The following GALNT13 variants were observed in gnomAD, a reference collection of about 807,000 sequenced individuals.
GALNT13 encodes the protein polypeptide N-acetylgalactosaminyltransferase 13.
Under a neutral mutation model 64.2 loss-of-function variants are expected in GALNT13, and 28 were observed. The ratio of observed to expected loss-of-function variants is 0.44; its 90% CI spans 0.32 to 0.60. The LOEUF (loss-of-function observed/expected upper bound fraction) is 0.60. Ranked by LOEUF, GALNT13 falls within the 20% of genes least tolerant of loss-of-function variation. The pLI is 0.05. For synonymous variants in GALNT13, 214 were observed against 224.6 expected, an observed-to-expected ratio of 0.95 and a Z score of 0.42; for missense variants, 577 against 669.8, an observed-to-expected ratio of 0.86 and a Z score of 1.53.
the GALNT13 span, among the ~76,000 whole-genome samples, chr2:153,859,968 A>C: frequency 1.3e-5 from 2 of 152,166 alleles, no homozygotes; most frequent in South Asian, 4.1e-4. Flanking sequence ...TCCTCTTTTC[A>C]TTGGTACTAA....
At chr2:153,264,373 G>A in the GALNT13 span, among the ~76,000 whole-genome samples, 6 of 152,214 alleles carry the variant, frequency 3.9e-5, no homozygotes, top group Non-Finnish European at 8.8e-5. Flanking sequence ...GTAGAAGACA[G>A]TGTGGCAATT....
intron 3 of GALNT13, among the ~76,000 whole-genome samples, chr2:154,023,114 A>C (rs1243719804): frequency 3.9e-5 from 6 of 152,214 alleles, no homozygotes; most frequent in African/African-American, 1.4e-4. Flanking sequence ...ACTTCCAACT[A>C]TGTGGCCAGT....
chr2:153,733,871 C>T, the GALNT13 span, among the ~76,000 whole-genome samples: 151 of 152,278 alleles, frequency 9.9e-4, no homozygotes, highest in Non-Finnish European at 1.2e-3. Context: ...AGCAGACCGT[C>T]CTTTTAAAAC....
chr2:153,387,264 A>G, the GALNT13 span, among the ~76,000 whole-genome samples: 1 of 152,124 alleles, frequency 6.6e-6, no homozygotes, highest in African/African-American at 2.4e-5. Flanking sequence ...ATACAATGTT[A>G]TGCTTGTTCC....
chr2:153,550,100 T>G, the GALNT13 span, among the ~76,000 whole-genome samples: 3 of 152,222 alleles, frequency 2.0e-5, no homozygotes, highest in Non-Finnish European at 1.5e-5. Flanking sequence ...CCCTGTTTCC[T>G]AGAATACCAT....
intron 3 of GALNT13, among the ~76,000 whole-genome samples, chr2:154,139,402 T>G (rs958753050): frequency 6.6e-6 from 1 of 152,058 alleles, no homozygotes; most frequent in African/African-American, 2.4e-5. Context: ...CCTTTTAATT[T>G]ATATGGAAAT....
the GALNT13 span, among the ~76,000 whole-genome samples, chr2:153,474,919 A>G: frequency 6.7e-3 from 1,014 of 152,268 alleles, 13 homozygotes; most frequent in African/African-American, 0.023. Context: ...TGGTCTCTTA[A>G]GGCTGACATT....
At chr2:154,277,336 G>T (rs987227798) in intron 8 of GALNT13, among the ~76,000 whole-genome samples, 1 of 151,968 alleles carries the variant, frequency 6.6e-6, no homozygotes, top group Non-Finnish European at 1.5e-5. Flanking sequence ...AACCTCGCTC[G>T]TCAAAATTAA....
chr2:153,338,498 A>G, the GALNT13 span, among the ~76,000 whole-genome samples: 23,235 of 152,128 alleles, frequency 0.15, 1,849 homozygotes, highest in Non-Finnish European at 0.17. Context: ...ATTTTAATTG[A>G]CAATTAGAAA....
At chr2:153,213,429 A>C in the GALNT13 span, among the ~76,000 whole-genome samples, 1 of 152,208 alleles carries the variant, frequency 6.6e-6, no homozygotes, top group Non-Finnish European at 1.5e-5. Context: ...CTGCCTCGGA[A>C]GGGGAGACAC....
rs1559075384 is a variant in GALNT13, at chr2:154,298,549, AAT to A, written c.976-2859_976-2858del. ...ATAAAATTGTATATATTTATATATA[AAT>A]TGTATATATAATTTATATATAAATT... On this transcript the variant is annotated intron_variant, in intron 8 of 12. Coordinates refer to ENST00000392825, the MANE Select transcript of GALNT13 (RefSeq NM_052917.4). Among the ~76,000 whole-genome samples the A allele has an allele frequency of 5.0e-5, 3 of 60,300 alleles. No homozygotes were observed. The East Asian group carries it at 2.2e-3, about 45-fold the overall frequency. The allele number at this position is 60,300 out of a possible 152,430, so 39.6% of individuals were successfully genotyped here.
At chr2:154,122,470 T>G (rs532746165) in intron 3 of GALNT13, among the ~76,000 whole-genome samples, 10 of 152,138 alleles carry the variant, frequency 6.6e-5, no homozygotes, top group African/African-American at 2.4e-4. Context: ...TTCCTCTGCT[T>G]CTTCTTTCTG....
intron 9 of GALNT13, among the ~76,000 whole-genome samples, chr2:154,361,488 G>A (rs1697064843): frequency 6.6e-6 from 1 of 152,050 alleles, no homozygotes; most frequent in African/African-American, 2.4e-5. Flanking sequence ...GTCCTGGATT[G>A]AAATCCTAGC....
intron 3 of GALNT13, among the ~76,000 whole-genome samples, chr2:154,081,511 G>T (rs916287342): frequency 6.6e-6 from 1 of 151,770 alleles, no homozygotes; most frequent in Non-Finnish European, 1.5e-5. Flanking sequence ...GGGAGTGACA[G>T]TAGAAAACTG....
chr2:154,127,316 T>A (rs970272322), intron 3 of GALNT13, among the ~76,000 whole-genome samples: 1 of 152,136 alleles, frequency 6.6e-6, no homozygotes, highest in Non-Finnish European at 1.5e-5. Flanking sequence ...CTTAACTGAT[T>A]TCTAGACGTT....
At chr2:153,562,013 C>T in the GALNT13 span, among the ~76,000 whole-genome samples, 1 of 148,086 alleles carries the variant, frequency 6.8e-6, no homozygotes, top group African/African-American at 2.5e-5. Context: ...TTTTCTTTAC[C>T]ATTCTCCCTC....
At chr2:153,373,653 G>A in the GALNT13 span, among the ~76,000 whole-genome samples, 1 of 152,160 alleles carries the variant, frequency 6.6e-6, no homozygotes, top group African/African-American at 2.4e-5. Context: ...TCCCAATGTT[G>A]GGTGATCATT....
the GALNT13 span, among the ~76,000 whole-genome samples, chr2:153,635,411 TATATAC>T: frequency 6.8e-6 from 1 of 147,350 alleles, no homozygotes; most frequent in African/African-American, 2.5e-5. Flanking sequence ...TATATATATA[TATATAC>T]ACATATATAT....
At chr2:154,366,424 T>G (rs376686501) in intron 9 of GALNT13, among the ~76,000 whole-genome samples, 3 of 152,292 alleles carry the variant, frequency 2.0e-5, no homozygotes, top group African/African-American at 7.2e-5. Context: ...GCCTTGCATA[T>G]GTAGCACAGC....
Sources: gnomAD v4.1 joint callset for allele counts (sites outside exome capture counted in the v4.1 genomes callset) on GRCh38, gnomAD v4.1.1 for gene constraint, MANE v1.5 for transcripts, NCBI Gene and HGNC (gene_info 2026-07-23, HGNC 2026-07-21) for gene names.